The following HS3ST1 variants were observed in gnomAD, a reference collection of about 807,000 sequenced individuals.
HS3ST1 encodes heparan sulfate glucosamine 3-O-sulfotransferase 1.
In HS3ST1, 8 loss-of-function variants were observed where a neutral mutation model predicts 20.7. The observed-to-expected ratio is 0.39, with a 90% confidence interval of 0.23 to 0.70. The LOEUF (loss-of-function observed/expected upper bound fraction) is 0.70. HS3ST1 is among the 30% of genes least tolerant of loss of function. The pLI is 0.46. For missense variants in HS3ST1, 436 were observed against 423.4 expected, an observed-to-expected ratio of 1.03 and a Z score of -0.26; for synonymous variants, 205 against 190.4, an observed-to-expected ratio of 1.08 and a Z score of -0.63.
intron 1 of HS3ST1, among the ~76,000 whole-genome samples, chr4:11,425,467 T>A (rs1421244084): frequency 6.6e-6 from 1 of 152,174 alleles, no homozygotes; most frequent in East Asian, 1.9e-4. Flanking sequence ...CTCTAAAAAT[T>A]GACTGTGATC....
At position 11,395,968 on chromosome 4, in the gene HS3ST1, G is replaced by C. The variant is rs1718130033; in HGVS notation, c.*3114C>G. On this transcript the variant is annotated 3_prime_UTR_variant, in exon 2 of 2. Coordinates refer to ENST00000002596, the MANE Select transcript of HS3ST1 (RefSeq NM_005114.4). Reference sequence around the variant, plus strand: ...TTAAAGTCCAGAACAAACAGTTAATGACTACTGGTTCCTGTTGTATTTTCT... The same window carrying C: ...TTAAAGTCCAGAACAAACAGTTAATCACTACTGGTTCCTGTTGTATTTTCT... 1 of 152,178 alleles carries C rather than the reference G, an allele frequency of 6.6e-6. No homozygotes were observed. Among genetic ancestry groups the C allele is most frequent in the Non-Finnish European group, 1.5e-5 (1 of 68,042 alleles). 9.4% of individuals were successfully genotyped at this position (152,178 alleles called of 1,614,324 possible).
At chr4:11,419,409 C>T (rs1444471340) in intron 1 of HS3ST1, among the ~76,000 whole-genome samples, 1 of 152,062 alleles carries the variant, frequency 6.6e-6, no homozygotes, top group Admixed American at 6.6e-5. Context: ...GTTCTCACTC[C>T]TAAGTGGGAG....
chr4:11,423,999 T>C (rs980222342), intron 1 of HS3ST1, among the ~76,000 whole-genome samples: 16 of 143,032 alleles, frequency 1.1e-4, no homozygotes, highest in African/African-American at 4.0e-4. Flanking sequence ...TGAAAGTGAG[T>C]AGATTTTACA....
intron 1 of HS3ST1, 24 bp from the exon 2 acceptor site, chr4:11,400,137 T>C (rs557858674): frequency 1.3e-5 from 19 of 1,422,700 alleles, no homozygotes; most frequent in South Asian, 4.6e-5. Flanking sequence ...AGGGAAGATA[T>C]TAACATATAA....
Position 11,396,800 on chromosome 4 carries a change from A to C in HS3ST1, c.*2282T>G, listed in dbSNP as rs576655940. Reference sequence around the variant, plus strand: ...CCACGACTCTGCACCCCCAAATGAAAACATATTGAATTTACATTCACTGAT... The same window carrying C: ...CCACGACTCTGCACCCCCAAATGAACACATATTGAATTTACATTCACTGAT... On this transcript the variant is annotated 3_prime_UTR_variant, in exon 2 of 2. Transcript: ENST00000002596. The C allele has an allele frequency of 6.6e-6, 1 of 152,368 alleles. No homozygotes were observed. The highest frequency in any genetic ancestry group is 6.5e-5 in the Admixed American group (1 of 15,302). 9.4% of individuals were successfully genotyped at this position (152,368 alleles called of 1,614,324 possible).
In HS3ST1 at chr4:11,398,825, A is replaced by C. The variant is rs989539147; in HGVS notation, c.*257T>G. The C allele has an allele frequency of 6.8e-6, 2 of 294,732 alleles. No homozygotes were observed. The allele number at this position is 294,732 out of a possible 1,614,324, so 18.3% of individuals were successfully genotyped here. The stretch of plus-strand genomic sequence containing the variant: ...AAAAATCTTTTTTTTTTTTTCAGTG[A>C]AATAGTTTAGTTCCTTCATATAGAG... On this transcript the variant is annotated 3_prime_UTR_variant, in exon 2 of 2. Coordinates refer to ENST00000002596, the MANE Select transcript of HS3ST1 (RefSeq NM_005114.4).
At chr4:11,427,567 CATT>C (rs1449566595) in intron 1 of HS3ST1, among the ~76,000 whole-genome samples, 1 of 152,158 alleles carries the variant, frequency 6.6e-6, no homozygotes, top group African/African-American at 2.4e-5. Context: ...CTCATGATAA[CATT>C]GTGGGAAAGG....
At chr4:11,424,802 A>G (rs891676505) in intron 1 of HS3ST1, among the ~76,000 whole-genome samples, 6 of 151,994 alleles carry the variant, frequency 3.9e-5, no homozygotes, top group Non-Finnish European at 8.8e-5. Flanking sequence ...GGATCATTCA[A>G]CTAAGCCCTA....
At chr4:11,410,349 C>T (rs746295253) in intron 1 of HS3ST1, among the ~76,000 whole-genome samples, 16 of 152,130 alleles carry the variant, frequency 1.1e-4, no homozygotes, top group Non-Finnish European at 1.5e-4. Context: ...GGGAGGGCCT[C>T]GAAGGACCTC....
At chr4:11,423,524 TCTAA>T (rs2108890831) in intron 1 of HS3ST1, among the ~76,000 whole-genome samples, 1 of 152,330 alleles carries the variant, frequency 6.6e-6, no homozygotes, top group African/African-American at 2.4e-5. Context: ...CACATCACTA[TCTAA>T]CTAGGAGAGA....
intron 1 of HS3ST1, among the ~76,000 whole-genome samples, chr4:11,424,860 C>CAAA (rs3070505): frequency 5.5e-4 from 80 of 145,142 alleles, no homozygotes; most frequent in East Asian, 4.4e-3. Context: ...CCATCTCCCA[C>CAAA]AAAAAAAAAA....
At chr4:11,400,224 C>CA (rs1718286767) in intron 1 of HS3ST1, 111 bp from the exon 2 acceptor site, 1 of 903,010 alleles carries the variant, frequency 1.1e-6, no homozygotes, top group Non-Finnish European at 1.5e-6. Context: ...CCAGGACTCT[C>CA]AGTTTCTTAT....
At position 11,411,937 on chromosome 4, in the gene HS3ST1, A is replaced by G. The variant is rs114170154; in HGVS notation, c.-108-11824T>C. Among the ~76,000 whole-genome samples, 1,334 of 152,182 alleles carry G rather than the reference A, an allele frequency of 8.8e-3. 9 individuals are homozygous for G. The highest frequency in any genetic ancestry group is 0.013 in the South Asian group (63 of 4,808). On this transcript the variant is annotated intron_variant, in intron 1 of 1. Transcript: ENST00000002596. ...ATGTGATCTCTATATGAATTTTCCC[A>G]TCTGAAATATGGGGATGGTAACAGC...
rs373953981 is a variant in HS3ST1, at chr4:11,399,382, C to T, written c.624G>A (p.Pro208=). 6 of 1,613,938 alleles carry T rather than the reference C, an allele frequency of 3.7e-6. No homozygotes were observed. The highest frequency in any genetic ancestry group is 1.1e-5 in the South Asian group (1 of 91,068). Residue 208 remains proline, a synonymous_variant, in exon 2 of 2, where the codon CCG becomes CCA. Coordinates refer to ENST00000002596, the MANE Select transcript of HS3ST1 (RefSeq NM_005114.4). This position sits in a 1 kb window ranked among gnomAD's most constrained non-coding sequence, Gnocchi z 5.1. Reference sequence around the variant, plus strand: ...CGTCCACAATGTGGATGTGGCGCAGCGGGAAAAAGCGCAGCCAGTTCTGCA... The same window carrying T: ...CGTCCACAATGTGGATGTGGCGCAGTGGGAAAAAGCGCAGCCAGTTCTGCA... The part of the protein sequence containing the change: ...VHMQNWLRFF[P]LRHIHIVDGD...
chr4:11,432,949 CT>C (rs1719233497), upstream of HS3ST1, among the ~76,000 whole-genome samples: 1 of 152,142 alleles, frequency 6.6e-6, no homozygotes, highest in African/African-American at 2.4e-5. Flanking sequence ...TTGAGTGATT[CT>C]TTTCTGAAAA....
At chr4:11,409,701 C>G (rs548307088) in intron 1 of HS3ST1, among the ~76,000 whole-genome samples, 4 of 152,236 alleles carry the variant, frequency 2.6e-5, no homozygotes, top group Non-Finnish European at 5.9e-5. Context: ...CCCTAGCTGA[C>G]TAGTACATGG....
In HS3ST1 at chr4:11,399,802, G is replaced by A. The variant is rs772757354; in HGVS notation, c.204C>T (p.Arg68=). The part of the protein sequence containing the change: ...IIIGVRKGGT[R]ALLEMLSLHP... ...GCAGGCTGAGCATCTCCAGCAGTGC[G>A]CGCGTGCCGCCCTTGCGCACGCCGA... Residue 68 remains arginine (R), a synonymous_variant, in exon 2 of 2, where the codon CGC becomes CGT. Transcript: ENST00000002596. This position sits in a 1 kb window ranked among gnomAD's most constrained non-coding sequence, Gnocchi z 5.1. 7 of 1,613,152 alleles carry A rather than the reference G, an allele frequency of 4.3e-6. No homozygotes were observed. The highest frequency in any genetic ancestry group is 4.0e-5 in the African/African-American group (3 of 75,054).
chr4:11,399,165 G>A lies in HS3ST1; in HGVS notation c.841C>T (p.Leu281=), dbSNP rs772878663. 2 of 1,614,206 alleles carry A rather than the reference G, an allele frequency of 1.2e-6. No homozygotes were observed. Among genetic ancestry groups the A allele is most frequent in the Admixed American group, 3.3e-5 (2 of 60,026 alleles). The change falls in exon 2 of 2, where the codon CTA becomes TTA. Residue 281 remains leucine, a synonymous_variant. Transcript: ENST00000002596. The surrounding 1 kb of genome is among the most constrained non-coding windows in gnomAD (Gnocchi z 5.1). The part of the protein sequence containing the change: ...GRAHPQVDPK[L]LNKLHEYFHE... ...AAATATTCGTGCAGTTTATTGAGTA[G>A]TTTGGGATCGACTTGGGGGTGCGCC...
chr4:11,434,119 A>G (rs985036858), upstream of HS3ST1, among the ~76,000 whole-genome samples: 11 of 152,218 alleles, frequency 7.2e-5, no homozygotes, highest in African/African-American at 2.7e-4. Context: ...TAATGCCACA[A>G]GAAGTCTCTT....
Sources: gnomAD v4.1 joint callset for allele counts (sites outside exome capture counted in the v4.1 genomes callset) on GRCh38, gnomAD v4.1.1 for gene constraint, Gnocchi (gnomAD v3.1) non-coding constraint, MANE v1.5 for transcripts, NCBI Gene and HGNC (gene_info 2026-07-23, HGNC 2026-07-21) for gene names.